The following HBS1L variants were observed in gnomAD, a reference collection of about 807,000 sequenced individuals.
HBS1L encodes the protein HBS1 like translational GTPase.
HBS1L carries 55 observed loss-of-function variants against 88.9 expected under a neutral mutation model. The observed-to-expected ratio is 0.62, with a 90% confidence interval of 0.50 to 0.77. The LOEUF (loss-of-function observed/expected upper bound fraction) is 0.77. Ranked by LOEUF, HBS1L falls within the 30% of genes least tolerant of loss-of-function variation. HBS1L has a pLI of 0.00. For synonymous variants in HBS1L, 267 were observed against 288.5 expected, an observed-to-expected ratio of 0.93 and a Z score of 0.76; for missense variants, 741 against 829.3, an observed-to-expected ratio of 0.89 and a Z score of 1.31.
intron 15 of HBS1L, among the ~76,000 whole-genome samples, chr6:134,977,421 A>C (rs1478774792): frequency 6.6e-6 from 1 of 151,910 alleles, no homozygotes; most frequent in East Asian, 1.9e-4. Context: ...ACAACAATTA[A>C]CTTGTTGTTA....
chr6:135,006,164 T>C (rs770635895), intron 4 of HBS1L, among the ~76,000 whole-genome samples: 1 of 152,246 alleles, frequency 6.6e-6, no homozygotes, highest in South Asian at 2.1e-4. Flanking sequence ...AGAAAGTATA[T>C]GGCATTGAAA....
intron 15 of HBS1L, among the ~76,000 whole-genome samples, chr6:134,969,752 TTCTGTCTGTACCTCAGTTTCC>T (rs1283759925): frequency 6.6e-6 from 1 of 152,162 alleles, no homozygotes; most frequent in Non-Finnish European, 1.5e-5. Flanking sequence ...ACTCTTTCTC[TTCTGTCTGTACCTCAGTTTCC>T]TCAAGTGTAA....
intron 4 of HBS1L, chr6:135,027,009 T>C (rs1776245518): frequency 6.6e-6 from 1 of 151,070 alleles, no homozygotes; most frequent in Non-Finnish European, 1.5e-5. Flanking sequence ...ATAGGTAAAG[T>C]GGCAAGATCC....
At chr6:135,040,344 C>CCTTTTTTTTTTTTT (rs1365916364) in intron 3 of HBS1L, among the ~76,000 whole-genome samples, 1 of 110,060 alleles carries the variant, frequency 9.1e-6, no homozygotes, top group African/African-American at 3.6e-5. Context: ...GATAGGCATT[C>CCTTTTTTTTTTTTT]TTTTTTTTTT....
At chr6:134,985,539 A>C in intron 11 of HBS1L, 130 bp from the exon 12 acceptor site, 1 of 581,910 alleles carries the variant, frequency 1.7e-6, no homozygotes, top group Non-Finnish European at 3.0e-6. Flanking sequence ...TAGCAACTTA[A>C]CTGTCACTAA....
intron 1 of HBS1L, among the ~76,000 whole-genome samples, chr6:135,054,431 C>T (rs1351193746): frequency 1.3e-5 from 2 of 152,210 alleles, no homozygotes; most frequent in Non-Finnish European, 2.9e-5. Context: ...AGCACCTCCC[C>T]CTCCCCAAAT....
chr6:135,031,408 G>A (rs968008857), intron 4 of HBS1L, among the ~76,000 whole-genome samples: 5 of 151,914 alleles, frequency 3.3e-5, no homozygotes, highest in African/African-American at 7.2e-5. Context: ...AACAAGAGTC[G>A]ACTATATATG....
Position 134,988,167 on chromosome 6 carries a change from C to G in HBS1L, c.1084-376G>C, listed in dbSNP as rs141177885. ...TCACCTGAGGTCAGGAGTTCGAGAC[C>G]AGCCTGGCCAATATGGTGAAACCCC... On this transcript the variant is annotated intron_variant, in intron 8 of 17. Transcript: ENST00000367837. Among the ~76,000 whole-genome samples, 93 of 152,156 alleles carry G rather than the reference C, an allele frequency of 6.1e-4. 1 individual carries two copies. The highest frequency in any genetic ancestry group is 2.1e-3 in the African/African-American group (87 of 41,518).
intron 5 of HBS1L, 152 bp downstream of exon 5, chr6:135,002,582 C>A: frequency 2.0e-6 from 1 of 498,130 alleles, no homozygotes; most frequent in Non-Finnish European, 3.7e-6. Flanking sequence ...CTCATTTTGT[C>A]TCTTTGTACT....
chr6:135,049,579 T>C (rs1483673386), intron 2 of HBS1L, among the ~76,000 whole-genome samples: 1 of 152,314 alleles, frequency 6.6e-6, no homozygotes, highest in East Asian at 1.9e-4. Context: ...AATTTTTTTT[T>C]CCATTTTTTG....
chr6:135,038,209 A>G (rs1397660783), intron 4 of HBS1L, among the ~76,000 whole-genome samples: 2 of 152,184 alleles, frequency 1.3e-5, no homozygotes, highest in Non-Finnish European at 2.9e-5. Flanking sequence ...ACAATAAGGG[A>G]GTATTACCTT....
intron 4 of HBS1L, among the ~76,000 whole-genome samples, chr6:135,028,141 A>G (rs551136853): frequency 1.3e-5 from 2 of 152,262 alleles, no homozygotes; most frequent in African/African-American, 4.8e-5. Flanking sequence ...ATGAAAAGCA[A>G]AAAACATAAG....
chr6:135,039,422 A>T, intron 4 of HBS1L, 151 bp downstream of exon 4: 1 of 648,648 alleles, frequency 1.5e-6, no homozygotes, highest in Non-Finnish European at 2.6e-6. Flanking sequence ...ATCCACAACT[A>T]GATCAACTGA....
chr6:134,991,495 T>C (rs780413664), intron 8 of HBS1L, among the ~76,000 whole-genome samples: 1 of 152,168 alleles, frequency 6.6e-6, no homozygotes, highest in Non-Finnish European at 1.5e-5. Context: ...TGTATACTAA[T>C]TTAAAATGGT....
chr6:134,968,011 G>T (rs1774366490), intron 16 of HBS1L, among the ~76,000 whole-genome samples: 1 of 152,136 alleles, frequency 6.6e-6, no homozygotes. Context: ...CCTCCTAACA[G>T]AGAAACAGGC....
intron 2 of HBS1L, among the ~76,000 whole-genome samples, chr6:135,043,602 G>A (rs368283332): frequency 4.6e-5 from 7 of 152,128 alleles, no homozygotes; most frequent in Admixed American, 1.3e-4. Flanking sequence ...GAAGAAAAAC[G>A]TAATGACTTA....
rs113208771 is a variant in HBS1L, at chr6:135,011,467, C to G, written c.431-8625G>C. Among the ~76,000 whole-genome samples the G allele has an allele frequency of 3.7e-3, 565 of 152,266 alleles. 4 individuals carry two copies. Among genetic ancestry groups the G allele is most frequent in the Non-Finnish European group, 5.6e-3 (382 of 68,016 alleles). ...CCCTGGAGTTTGAGGCTGCTGTGAG[C>G]TATGATTGTGCCAATGAACTCTAGC... is the stretch of plus-strand genomic sequence containing the variant. On this transcript the variant is annotated intron_variant, in intron 4 of 17. Transcript: ENST00000367837.
At position 134,986,120 on chromosome 6, in the gene HBS1L, G is replaced by C. The variant is rs201262719; in HGVS notation, c.1369C>G (p.Gln457Glu). The C allele has an allele frequency of 7.3e-5, 117 of 1,602,328 alleles. No homozygotes were observed. The East Asian group carries it at 2.4e-3, about 33-fold the overall frequency. The part of the protein sequence containing the change: ...LSGENLITRS[Q>E]SSELTKWYKG... ...TACCATTTTGTGAGTTCACTTGACTGAGATCTTGTGATTAGATTTTCACCA... is the reference window on the plus strand; with the variant it reads ...TACCATTTTGTGAGTTCACTTGACTCAGATCTTGTGATTAGATTTTCACCA... The change falls in exon 11 of 18, where the codon CAG becomes GAG. Residue 457 changes from glutamine to glutamate, a missense_variant. Transcript: ENST00000367837.
intron 15 of HBS1L, among the ~76,000 whole-genome samples, chr6:134,972,029 C>A (rs1174725626): frequency 1.4e-4 from 21 of 152,134 alleles, no homozygotes; most frequent in Admixed American, 1.4e-3. Flanking sequence ...GGTGCAGAAA[C>A]ATTAATATTT....
Sources: allele counts gnomAD v4.1 joint callset (sites outside exome capture counted in the v4.1 genomes callset), GRCh38; gene constraint gnomAD v4.1.1; transcripts MANE v1.5; gene names NCBI Gene and HGNC (gene_info 2026-07-23, HGNC 2026-07-21).